GRIA1: variants seen among roughly 807,000 people sequenced by gnomAD.
The protein encoded by GRIA1 is glutamate ionotropic receptor AMPA type subunit 1.
Under a neutral mutation model 99.2 loss-of-function variants are expected in GRIA1, and 31 were observed. The ratio of observed to expected loss-of-function variants is 0.31; its 90% confidence interval spans 0.23 to 0.42. The LOEUF (loss-of-function observed/expected upper bound fraction) is 0.42. GRIA1 is among the 10% of genes least tolerant of loss of function. The pLI, the probability that GRIA1 is intolerant of heterozygous loss-of-function variation, is 1.00. For synonymous variants in GRIA1, 438 were observed against 432.4 expected, an observed-to-expected ratio of 1.01 and a Z score of -0.16; for missense variants, 782 against 1,157.5, an observed-to-expected ratio of 0.68 and a Z score of 4.71.
intron 10 of GRIA1, among the ~76,000 whole-genome samples, chr5:153,699,438 A>G (rs1758353120): frequency 6.6e-6 from 1 of 152,152 alleles, no homozygotes; most frequent in African/African-American, 2.4e-5. Flanking sequence ...TCTGGAGCCA[A>G]CCTAACTTTC....
At chr5:153,792,790 AAGAC>A (rs766147812) in intron 13 of GRIA1, among the ~76,000 whole-genome samples, 13 of 152,112 alleles carry the variant, frequency 8.5e-5, no homozygotes, top group Non-Finnish European at 1.8e-4. Context: ...CAGAGAGAGA[AAGAC>A]AGAGAGAGAG....
chr5:153,726,772 A>G (rs1426696483), intron 11 of GRIA1, among the ~76,000 whole-genome samples: 2 of 152,226 alleles, frequency 1.3e-5, no homozygotes, highest in African/African-American at 4.8e-5. Context: ...AAAGTCCAGG[A>G]CCAGATGGAT....
At chr5:153,661,229 C>T (rs1755349567) in intron 5 of GRIA1, among the ~76,000 whole-genome samples, 1 of 152,174 alleles carries the variant, frequency 6.6e-6, no homozygotes, top group Admixed American at 6.5e-5. Flanking sequence ...GTTTCTGCAG[C>T]TTCTGGTTAG....
At chr5:153,619,162 A>T (rs150369354) in intron 2 of GRIA1, among the ~76,000 whole-genome samples, 1 of 152,160 alleles carries the variant, frequency 6.6e-6, no homozygotes, top group African/African-American at 2.4e-5. Flanking sequence ...TTCTCTGTTG[A>T]CTCATTTAAT....
At chr5:153,756,593 G>C (rs1353154052) in intron 11 of GRIA1, among the ~76,000 whole-genome samples, 1 of 152,156 alleles carries the variant, frequency 6.6e-6, no homozygotes, top group African/African-American at 2.4e-5. Flanking sequence ...AGTGAGACAG[G>C]CGTCTGAACT....
chr5:153,578,857 G>A (rs1373976825), intron 2 of GRIA1, among the ~76,000 whole-genome samples: 3 of 152,110 alleles, frequency 2.0e-5, no homozygotes, highest in Non-Finnish European at 4.4e-5. Context: ...GCAGTGAGCC[G>A]AGATAGCACC....
intron 2 of GRIA1, among the ~76,000 whole-genome samples, chr5:153,598,547 G>A (rs1339295128): frequency 6.6e-6 from 1 of 152,138 alleles, no homozygotes; most frequent in Admixed American, 6.6e-5. Flanking sequence ...AGCAGCAGAG[G>A]TGAGGGAAGG....
chr5:153,788,899 T>C (rs1765135549), intron 13 of GRIA1, among the ~76,000 whole-genome samples: 1 of 152,210 alleles, frequency 6.6e-6, no homozygotes, highest in Non-Finnish European at 1.5e-5. Context: ...TCTGAATGCC[T>C]CCTCTCCAAG....
intron 2 of GRIA1, among the ~76,000 whole-genome samples, chr5:153,577,334 C>T (rs1331267383): frequency 6.6e-6 from 1 of 152,182 alleles, no homozygotes; most frequent in African/African-American, 2.4e-5. Flanking sequence ...GCCCTGCAAT[C>T]ATTTATCTCT....
intron 2 of GRIA1, among the ~76,000 whole-genome samples, chr5:153,590,300 A>C (rs1280359166): frequency 6.6e-6 from 1 of 152,180 alleles, no homozygotes; most frequent in Non-Finnish European, 1.5e-5. Flanking sequence ...TATTATACCA[A>C]GTTCACAAAA....
intron 11 of GRIA1, among the ~76,000 whole-genome samples, chr5:153,732,677 C>T (rs2149560979): frequency 6.6e-6 from 1 of 151,912 alleles, no homozygotes; most frequent in Non-Finnish European, 1.5e-5. Flanking sequence ...TCCATAATTG[C>T]CTTTTCATTT....
At chr5:153,799,797 T>C (rs1004299331) in intron 14 of GRIA1, among the ~76,000 whole-genome samples, 1 of 152,156 alleles carries the variant, frequency 6.6e-6, no homozygotes, top group Non-Finnish European at 1.5e-5. Flanking sequence ...GGAGACCTTC[T>C]TCTAAAGTGA....
intron 11 of GRIA1, among the ~76,000 whole-genome samples, chr5:153,749,431 G>A (rs1431950310): frequency 6.6e-6 from 1 of 152,146 alleles, no homozygotes; most frequent in Non-Finnish European, 1.5e-5. Context: ...AAGAAGCATG[G>A]TGCCAGCATC....
chr5:153,563,527 C>T (rs1761340396), intron 2 of GRIA1, among the ~76,000 whole-genome samples: 1 of 152,174 alleles, frequency 6.6e-6, no homozygotes, highest in Non-Finnish European at 1.5e-5. Context: ...GCTCAGAGGC[C>T]TTGAATAGTT....
At chr5:153,724,620 T>C (rs1760361433) in intron 11 of GRIA1, among the ~76,000 whole-genome samples, 1 of 152,318 alleles carries the variant, frequency 6.6e-6, no homozygotes, top group South Asian at 2.1e-4. Context: ...CAGGAGCCGA[T>C]GCGATCAACT....
At chr5:153,549,522 T>G (rs1759933819) in intron 2 of GRIA1, among the ~76,000 whole-genome samples, 2 of 151,914 alleles carry the variant, frequency 1.3e-5, no homozygotes, top group Admixed American at 1.3e-4. Context: ...CTTGAGAAAG[T>G]TCAGGGTGAA....
intron 15 of GRIA1, among the ~76,000 whole-genome samples, chr5:153,805,328 G>A (rs1224055969): frequency 6.6e-6 from 1 of 152,154 alleles, no homozygotes; most frequent in African/African-American, 2.4e-5. Flanking sequence ...CTTAAGGTAA[G>A]GGGTTGTGTG....
chr5:153,671,095 T>C (rs975138615), intron 5 of GRIA1, among the ~76,000 whole-genome samples: 8 of 152,118 alleles, frequency 5.3e-5, no homozygotes, highest in African/African-American at 1.9e-4. Flanking sequence ...TAGGAGGGGA[T>C]GGGGGTTCAG....
intron 2 of GRIA1, chr5:153,574,370 A>C (rs988340851): frequency 2.6e-5 from 4 of 152,154 alleles, no homozygotes; most frequent in African/African-American, 7.2e-5. Context: ...TGGTAACTGA[A>C]TTAGAGTGCC....
Sources: gnomAD v4.1 joint callset for allele counts (sites outside exome capture counted in the v4.1 genomes callset) on GRCh38, gnomAD v4.1.1 for gene constraint, MANE v1.5 for transcripts, NCBI Gene and HGNC (gene_info 2026-07-23, HGNC 2026-07-21) for gene names.